The following CFAP206 variants were observed in gnomAD, a reference collection of about 807,000 sequenced individuals.
The protein encoded by CFAP206 is cilia and flagella associated protein 206.
CFAP206 carries 53 observed loss-of-function variants against 65.4 expected under a neutral mutation model. The observed-to-expected ratio is 0.81, with a 90% CI of 0.65 to 1.02. CFAP206 has a LOEUF of 1.02. Among genes scored for constraint, CFAP206 ranks in the 50% least tolerant of loss-of-function variants. CFAP206 has a pLI of 0.00. For missense variants in CFAP206, 663 were observed against 753.2 expected, an observed-to-expected ratio of 0.88 and a Z score of 1.40; for synonymous variants, 250 against 254.4, an observed-to-expected ratio of 0.98 and a Z score of 0.17.
intron 7 of CFAP206, 48 bp downstream of exon 7, chr6:87,418,464 T>G: frequency 6.7e-7 from 1 of 1,496,200 alleles, no homozygotes; most frequent in Non-Finnish European, 9.3e-7. Context: ...ATGCAATCTC[T>G]TTATATAAGG....
chr6:87,418,517 C>T, intron 7 of CFAP206, 101 bp downstream of exon 7: 2 of 926,254 alleles, frequency 2.2e-6, no homozygotes, highest in Non-Finnish European at 3.4e-6. Flanking sequence ...GAGAAAACCT[C>T]AGTAACTGCT....
At chr6:87,463,417 C>T (rs538116654) in intron 12 of CFAP206, among the ~76,000 whole-genome samples, 1 of 152,272 alleles carries the variant, frequency 6.6e-6, no homozygotes, top group African/African-American at 2.4e-5. Flanking sequence ...GCTATAATGC[C>T]TTTTGAGTTT....
intron 11 of CFAP206, chr6:87,436,793 ATG>A (rs1768275683): frequency 6.6e-6 from 1 of 152,160 alleles, no homozygotes. Flanking sequence ...GCCTTTCTGT[ATG>A]TGAGCCAAAT....
chr6:87,417,347 C>T (rs545759647), intron 6 of CFAP206, among the ~76,000 whole-genome samples: 2 of 152,140 alleles, frequency 1.3e-5, no homozygotes, highest in Middle Eastern at 3.4e-3. Flanking sequence ...GTAGAAGTAA[C>T]TTCCTTATGA....
At chr6:87,434,541 A>C (rs1768218903) in intron 10 of CFAP206, among the ~76,000 whole-genome samples, 1 of 137,852 alleles carries the variant, frequency 7.3e-6, no homozygotes, top group Non-Finnish European at 1.5e-5. Flanking sequence ...TCTGTCACTT[A>C]GGCTAGAGTG....
At chr6:87,422,773 CAAAA>C (rs113147764) in intron 7 of CFAP206, among the ~76,000 whole-genome samples, 1 of 149,264 alleles carries the variant, frequency 6.7e-6, no homozygotes, top group Non-Finnish European at 1.5e-5. Flanking sequence ...ACAAAACAAA[CAAAA>C]AAACAACTCC....
At chr6:87,438,876 C>T (rs1194079364) in intron 11 of CFAP206, among the ~76,000 whole-genome samples, 1 of 152,160 alleles carries the variant, frequency 6.6e-6, no homozygotes, top group Non-Finnish European at 1.5e-5. Context: ...GTATTTCCCA[C>T]AAAATACAGT....
intron 11 of CFAP206, among the ~76,000 whole-genome samples, chr6:87,437,644 A>AT (rs1768294762): frequency 2.7e-5 from 4 of 150,736 alleles, no homozygotes; most frequent in Admixed American, 2.6e-4. Flanking sequence ...TATTCTTTAC[A>AT]TTTTATTTTT....
At chr6:87,410,774 A>G (rs1241429749) in intron 3 of CFAP206, 106 bp downstream of exon 3, 10 of 856,656 alleles carry the variant, frequency 1.2e-5, no homozygotes, top group African/African-American at 1.7e-5. Flanking sequence ...AAAAGCCCAC[A>G]AAATAGTAGT....
chr6:87,410,511 A>T, intron 2 of CFAP206, 74 bp from the exon 3 acceptor site: 1 of 1,121,164 alleles, frequency 8.9e-7, no homozygotes, highest in Non-Finnish European at 1.4e-6. Flanking sequence ...GAAACATATT[A>T]AGCTAATAAT....
In CFAP206 at chr6:87,464,120, C is replaced by A. The variant is rs1768787002; in HGVS notation, c.1739C>A (p.Thr580Asn). Residue 580 changes from threonine (T) to asparagine (N), a missense_variant, in exon 13 of 13, where the codon ACC becomes AAC. Thr to Asn is a moderately conservative substitution (Grantham distance 65). Transcript: ENST00000369562. ...GTGTACCCTCCAAAGGACACTAGCACCCAGTCCATGAGGGAAGACAGCACT... is the reference window on the plus strand; with the variant it reads ...GTGTACCCTCCAAAGGACACTAGCAACCAGTCCATGAGGGAAGACAGCACT... ...SQVYPPKDTS[T>N]QSMREDSTGV... 6.2e-7 allele frequency: 1 copy of A among 1,614,042 alleles called. No individual in the cohort carries two copies. The highest frequency in any genetic ancestry group is 1.1e-5 in the South Asian group (1 of 91,090).
intron 11 of CFAP206, among the ~76,000 whole-genome samples, chr6:87,459,088 T>C (rs1484718993): frequency 6.6e-6 from 1 of 152,176 alleles, no homozygotes; most frequent in East Asian, 1.9e-4. Context: ...GTTTAATACA[T>C]GTAATTTTTT....
chr6:87,432,991 G>A lies in CFAP206; in HGVS notation c.1300+1818G>A, dbSNP rs1052772542. ...CACTTACCAGTCAGAATCCTTTTCC[G>A]ATGACTTCATTGACTTCATTGCCTA... is the stretch of plus-strand genomic sequence containing the variant. On this transcript the variant is annotated intron_variant, in intron 10 of 12. Transcript: ENST00000369562. Among the ~76,000 whole-genome samples, 18 of 152,244 alleles carry A rather than the reference G, an allele frequency of 1.2e-4. No homozygotes were observed. In the South Asian group the frequency reaches 2.3e-3, roughly 19 times the overall value.
chr6:87,411,321 T>A (rs1403853924), intron 3 of CFAP206, among the ~76,000 whole-genome samples: 1 of 152,222 alleles, frequency 6.6e-6, no homozygotes, highest in Non-Finnish European at 1.5e-5. Flanking sequence ...TTTTTGGCGA[T>A]TTGTATGTCT....
In CFAP206 at chr6:87,428,629, A is replaced by G. The variant is rs376498041; in HGVS notation, c.964A>G (p.Ile322Val). 176 of 1,613,978 alleles carry G rather than the reference A, an allele frequency of 1.1e-4. No individual in the cohort carries two copies. The highest frequency in any genetic ancestry group is 4.5e-4 in the African/African-American group (34 of 75,024). The change falls in exon 9 of 13, where the codon ATC becomes GTC. Residue 322 changes from isoleucine (I) to valine (V), a missense_variant. Physicochemically the swap from Ile to Val is conservative, Grantham distance 29. Transcript: ENST00000369562. ...ATATTTTTTTTCTCTTCCTCAGCCT[A>G]TCTTCATTGCACTTTCTACTCTGTG... The part of the protein sequence containing the change: ...IAVPTSQVFP[I>V]FIALSTLWTS...
intron 7 of CFAP206, among the ~76,000 whole-genome samples, chr6:87,421,730 G>A (rs1279265437): frequency 2.0e-5 from 3 of 152,156 alleles, no homozygotes; most frequent in Admixed American, 2.0e-4. Context: ...AGCTGCGTTT[G>A]ACAGCACATT....
intron 10 of CFAP206, among the ~76,000 whole-genome samples, chr6:87,432,495 C>T (rs1768177274): frequency 6.6e-6 from 1 of 152,116 alleles, no homozygotes; most frequent in African/African-American, 2.4e-5. Flanking sequence ...CCTTCCTTCC[C>T]TGTTTCACAC....
intron 12 of CFAP206, 129 bp from the exon 13 acceptor site, chr6:87,463,891 G>A: frequency 1.8e-6 from 1 of 569,166 alleles, no homozygotes; most frequent in South Asian, 3.9e-5. Context: ...TAGAAAAAAT[G>A]CTATGTTATG....
intron 12 of CFAP206, among the ~76,000 whole-genome samples, chr6:87,462,485 C>G (rs1319673899): frequency 6.6e-6 from 1 of 152,192 alleles, no homozygotes; most frequent in Non-Finnish European, 1.5e-5. Context: ...TATCCCACTA[C>G]TTTGTTCTAG....
Sources: gnomAD v4.1 joint callset for allele counts (sites outside exome capture counted in the v4.1 genomes callset) on GRCh38, gnomAD v4.1.1 for gene constraint, MANE v1.5 for transcripts, NCBI Gene and HGNC (gene_info 2026-07-23, HGNC 2026-07-21) for gene names.